The following FRMD4A variants were observed in gnomAD, a reference collection of about 807,000 sequenced individuals.
The protein encoded by FRMD4A is FERM domain-containing protein 4A.
Under a neutral mutation model 129.1 loss-of-function variants are expected in FRMD4A, and 29 were observed. The observed-to-expected ratio is 0.22, with a 90% confidence interval of 0.17 to 0.31. The LOEUF is 0.31. Among genes scored for constraint, FRMD4A ranks in the 10% least tolerant of loss-of-function variants. FRMD4A has a pLI of 1.00. For missense variants in FRMD4A, 1,272 were observed against 1,375.8 expected (o/e 0.92, Z 1.19); for synonymous variants, 634 against 571.6 (o/e 1.11, Z -1.56).
intron 2 of FRMD4A, among the ~76,000 whole-genome samples, chr10:14,143,580 GC>G (rs1360022809): frequency 6.6e-6 from 1 of 152,170 alleles, no homozygotes; most frequent in Non-Finnish European, 1.5e-5. Flanking sequence ...ACTGAATTAT[GC>G]ACTTAAGATG....
intron 2 of FRMD4A, among the ~76,000 whole-genome samples, chr10:13,890,012 C>T (rs962753074): frequency 6.6e-6 from 1 of 152,212 alleles, no homozygotes; most frequent in Non-Finnish European, 1.5e-5. Flanking sequence ...CCCAAACTTC[C>T]TTTGCAACAG....
At chr10:14,177,379 G>A (rs1433930326) in intron 2 of FRMD4A, among the ~76,000 whole-genome samples, 1 of 151,912 alleles carries the variant, frequency 6.6e-6, no homozygotes, top group Non-Finnish European at 1.5e-5. Flanking sequence ...CGCTATGTTG[G>A]CGGGGCTGGT....
chr10:14,118,746 C>T (rs1838333186), intron 2 of FRMD4A, among the ~76,000 whole-genome samples: 1 of 152,174 alleles, frequency 6.6e-6, no homozygotes, highest in African/African-American at 2.4e-5. Context: ...GACTTATTTA[C>T]TACAACGAGA....
intron 2 of FRMD4A, among the ~76,000 whole-genome samples, chr10:14,077,278 G>A (rs1835670421): frequency 6.6e-6 from 1 of 152,204 alleles, no homozygotes; most frequent in African/African-American, 2.4e-5. Flanking sequence ...TATAAATGCT[G>A]TTCTCACTGT....
chr10:13,829,352 C>T (rs1181174040), intron 3 of FRMD4A, among the ~76,000 whole-genome samples: 1 of 152,118 alleles, frequency 6.6e-6, no homozygotes, highest in African/African-American at 2.4e-5. Flanking sequence ...AAGTGAGACC[C>T]CATCTCCACA....
At chr10:13,853,293 A>ACTT (rs1484071595) in intron 3 of FRMD4A, among the ~76,000 whole-genome samples, 1 of 152,228 alleles carries the variant, frequency 6.6e-6, no homozygotes, top group African/African-American at 2.4e-5. Context: ...CCATCTTAAC[A>ACTT]CTTTGAGAAG....
intron 2 of FRMD4A, among the ~76,000 whole-genome samples, chr10:14,266,395 G>T (rs1312545414): frequency 1.3e-5 from 2 of 152,082 alleles, no homozygotes; most frequent in Non-Finnish European, 2.9e-5. Context: ...GATGCTTTAA[G>T]ATTATAAATA....
chr10:14,230,815 G>C (rs1201597909), intron 2 of FRMD4A, among the ~76,000 whole-genome samples: 1 of 152,152 alleles, frequency 6.6e-6, no homozygotes, highest in Non-Finnish European at 1.5e-5. Context: ...GCTGGTGTCT[G>C]TTGTTCCCTT....
intron 19 of FRMD4A, among the ~76,000 whole-genome samples, chr10:13,661,471 C>T (rs1373984486): frequency 1.3e-5 from 2 of 152,072 alleles, no homozygotes; most frequent in Non-Finnish European, 2.9e-5. Flanking sequence ...GGAGTAAGGG[C>T]AGAGCTCTGG....
intron 2 of FRMD4A, among the ~76,000 whole-genome samples, chr10:14,329,526 A>T (rs1843427161): frequency 6.6e-6 from 1 of 152,204 alleles, no homozygotes; most frequent in Non-Finnish European, 1.5e-5. Context: ...TCAATGGTAG[A>T]TAGGAAACAA....
chr10:13,655,949 T>G (rs1210487498), intron 22 of FRMD4A: 14 of 152,160 alleles, frequency 9.2e-5, no homozygotes. Context: ...TCTTCCTTTT[T>G]TTTTTGTTTT....
intron 12 of FRMD4A, among the ~76,000 whole-genome samples, chr10:13,731,027 CAA>C (rs11286606): frequency 4.9e-4 from 69 of 139,494 alleles, no homozygotes; most frequent in South Asian, 7.0e-4. Flanking sequence ...GACTCCCTCT[CAA>C]AAAAAAAAAA....
chr10:14,319,141 T>C (rs1362542701), intron 2 of FRMD4A, among the ~76,000 whole-genome samples: 1 of 152,102 alleles, frequency 6.6e-6, no homozygotes, highest in Non-Finnish European at 1.5e-5. Context: ...TCCAGAAGAT[T>C]CCAAGACCAG....
chr10:14,013,534 G>A (rs966610491), intron 2 of FRMD4A, among the ~76,000 whole-genome samples: 8 of 152,164 alleles, frequency 5.3e-5, no homozygotes, highest in Non-Finnish European at 1.2e-4. Context: ...TCTTGGACCA[G>A]GGAATTGCAG....
intron 3 of FRMD4A, among the ~76,000 whole-genome samples, chr10:13,829,532 G>A (rs568067299): frequency 6.6e-6 from 1 of 152,280 alleles, no homozygotes. Context: ...CTTGAGTTCT[G>A]TTCCCACGTC....
intron 2 of FRMD4A, among the ~76,000 whole-genome samples, chr10:13,944,326 G>C (rs779805331): frequency 7.2e-5 from 11 of 151,990 alleles, no homozygotes; most frequent in Non-Finnish European, 1.3e-4. Context: ...AGGGATGTAG[G>C]CTGCATGCTC....
chr10:13,658,132 TAAAAAAAAAAAAAA>T (rs565374030), intron 21 of FRMD4A, among the ~76,000 whole-genome samples: 2 of 81,240 alleles, frequency 2.5e-5, no homozygotes, highest in African/African-American at 4.5e-5. Context: ...CTGTCTCTCT[TAAAAAAAAAAAAAA>T]AAAAAAAAAA....
chr10:13,823,716 G>A (rs776983676), intron 3 of FRMD4A, among the ~76,000 whole-genome samples: 3 of 152,190 alleles, frequency 2.0e-5, no homozygotes, highest in Non-Finnish European at 4.4e-5. Flanking sequence ...GGTGAGGTAT[G>A]TTCTATAAGA....
intron 2 of FRMD4A, among the ~76,000 whole-genome samples, chr10:14,323,454 T>A (rs988458020): frequency 6.6e-6 from 1 of 152,246 alleles, no homozygotes; most frequent in Admixed American, 6.5e-5. Context: ...CTTCTCCATT[T>A]ATATTTATTT....
Sources: gnomAD v4.1 joint callset for allele counts (sites outside exome capture counted in the v4.1 genomes callset) on GRCh38, gnomAD v4.1.1 for gene constraint, MANE v1.5 for transcripts, NCBI Gene and HGNC (gene_info 2026-07-23, HGNC 2026-07-21) for gene names.